Variants in RGS5 observed in about 807,000 individuals in gnomAD.
RGS5 encodes regulator of G protein signaling 5.
In RGS5, 20 loss-of-function variants were observed where a neutral mutation model predicts 18.9. The ratio of observed to expected loss-of-function variants is 1.06; its 90% confidence interval spans 0.74 to 1.54. The LOEUF (loss-of-function observed/expected upper bound fraction) is 1.54, where lower values mean the gene tolerates loss of function less well. Ranked by LOEUF, RGS5 falls within the 40% of genes most tolerant of loss-of-function variation. The pLI, the probability that RGS5 is intolerant of heterozygous loss-of-function variation, is 0.00. For missense variants in RGS5, 201 were observed against 211.8 expected (o/e 0.95, Z 0.32); for synonymous variants, 57 against 76.2 (o/e 0.75, Z 1.31).
chr1:163,261,717 T>C (rs1648441661), intron 2 of RGS5, among the ~76,000 whole-genome samples: 1 of 152,182 alleles, frequency 6.6e-6, no homozygotes, highest in African/African-American at 2.4e-5. Flanking sequence ...ATCAAGAGGC[T>C]CACAAGCTTT....
intron 1 of RGS5, chr1:163,319,091 T>C (rs1650110246): frequency 6.6e-6 from 1 of 152,182 alleles, no homozygotes; most frequent in African/African-American, 2.4e-5. Flanking sequence ...TCCCTATTGA[T>C]CTGTTAAAGT....
chr1:163,285,998 G>GCGCA (rs1553226793), intron 2 of RGS5, among the ~76,000 whole-genome samples: 7,568 of 135,066 alleles, frequency 0.056, 224 homozygotes, highest in South Asian at 0.1. Context: ...TTTAATTTAT[G>GCGCA]CACACACACA....
intron 2 of RGS5, among the ~76,000 whole-genome samples, chr1:163,232,720 G>C (rs1322314145): frequency 6.6e-6 from 1 of 152,152 alleles, no homozygotes; most frequent in Non-Finnish European, 1.5e-5. Flanking sequence ...ATCCTGTGGA[G>C]GCAGACATGC....
chr1:163,173,881 C>T (rs1341927786), intron 1 of RGS5, among the ~76,000 whole-genome samples: 1 of 152,084 alleles, frequency 6.6e-6, no homozygotes, highest in Non-Finnish European at 1.5e-5. Flanking sequence ...CAAGACCAGC[C>T]TGGCCAAGAT....
At chr1:163,305,229 T>C (rs939834463) in intron 2 of RGS5, 2 of 152,360 alleles carry the variant, frequency 1.3e-5, no homozygotes, top group African/African-American at 4.8e-5. Flanking sequence ...TGGACTGAGA[T>C]GTAAGGCTTT....
chr1:163,217,006 T>C (rs1660233885), intron 1 of RGS5, among the ~76,000 whole-genome samples: 1 of 151,970 alleles, frequency 6.6e-6, no homozygotes, highest in Non-Finnish European at 1.5e-5. Context: ...TACCGCATGG[T>C]CTCACATATA....
At chr1:163,208,269 A>ACCC (rs58302424) in intron 1 of RGS5, among the ~76,000 whole-genome samples, 5 of 146,012 alleles carry the variant, frequency 3.4e-5, no homozygotes, top group South Asian at 2.2e-4. Flanking sequence ...AATGGCGTGA[A>ACCC]CCCGGGAGGC....
At chr1:163,170,367 T>C (rs572580306) in intron 1 of RGS5, among the ~76,000 whole-genome samples, 1 of 152,338 alleles carries the variant, frequency 6.6e-6, no homozygotes, top group South Asian at 2.1e-4. Flanking sequence ...AAAAATATCT[T>C]GATTTTGTTC....
upstream of RGS5, among the ~76,000 whole-genome samples, chr1:163,204,961 T>C (rs1473224305): frequency 6.6e-6 from 1 of 152,190 alleles, no homozygotes; most frequent in Non-Finnish European, 1.5e-5. Context: ...AAGGAGTTCA[T>C]GTGATGGACT....
rs1456989985 is a variant in RGS5, at chr1:163,224,416, T to C, written c.-280-56048A>G. Among the ~76,000 whole-genome samples the C allele has an allele frequency of 2.6e-5, 4 of 152,252 alleles. No homozygotes were observed. In the East Asian group the frequency reaches 7.7e-4, roughly 29 times the overall value. On this transcript the variant is annotated intron_variant, in intron 2 of 5. Coordinates refer to the RGS5 transcript ENST00000618415. The stretch of plus-strand genomic sequence containing the variant: ...TTAATTGCTGAATAGTATTCCACTG[T>C]GCATATATACCACATTTTTTGTATC...
chr1:163,241,909 T>C (rs886977502), intron 2 of RGS5, among the ~76,000 whole-genome samples: 1 of 152,170 alleles, frequency 6.6e-6, no homozygotes. Context: ...GGAAAATGAA[T>C]GGCTACATAA....
intron 1 of RGS5, chr1:163,172,606 G>A (rs1322306957): frequency 1.3e-6 from 2 of 1,549,692 alleles, no homozygotes; most frequent in Non-Finnish European, 1.7e-6. Flanking sequence ...GAAATGTAAG[G>A]GAGAAAAGAT....
At chr1:163,208,122 A>T (rs1659991864) in intron 1 of RGS5, among the ~76,000 whole-genome samples, 1 of 151,996 alleles carries the variant, frequency 6.6e-6, no homozygotes, top group South Asian at 2.1e-4. Flanking sequence ...GTGAGACCCC[A>T]TCTCTACAAA....
At chr1:163,149,176 G>A (rs946246830) in intron 4 of RGS5, among the ~76,000 whole-genome samples, 5 of 152,332 alleles carry the variant, frequency 3.3e-5, no homozygotes, top group South Asian at 2.1e-4. Flanking sequence ...TGGGATCAGC[G>A]TCAGAGTTGA....
intron 1 of RGS5, among the ~76,000 whole-genome samples, chr1:163,316,464 A>T (rs1030030139): frequency 6.6e-6 from 1 of 152,226 alleles, no homozygotes; most frequent in African/African-American, 2.4e-5. Flanking sequence ...TGGCATCAAT[A>T]ATACAACCAT....
At chr1:163,300,316 A>G (rs1443508292) in intron 2 of RGS5, 3 of 152,246 alleles carry the variant, frequency 2.0e-5, no homozygotes, top group Non-Finnish European at 2.9e-5. Context: ...GCTAAGTTCT[A>G]AAGCAGCCTA....
rs568007990 is a variant in RGS5 at position 163,243,093 on chromosome 1, A to G, written c.-281+63140T>C. Among the ~76,000 whole-genome samples, 27 of 152,328 alleles carry G rather than the reference A, an allele frequency of 1.8e-4. 1 individual carries two copies. The highest frequency in any genetic ancestry group is 3.2e-4 in the Non-Finnish European group (22 of 68,026). On this transcript the variant is annotated intron_variant, in intron 2 of 5. Coordinates refer to the RGS5 transcript ENST00000618415. ...AAAGAAAATGTGGTGCATATACACT[A>G]TGGAATACTATGTAGCCATAAAAAT...
rs1371277346 is a variant in RGS5, at chr1:163,264,885, C to CT, written c.-281+41347dup. Among the ~76,000 whole-genome samples the CT allele has an allele frequency of 2.0e-5, 3 of 152,212 alleles. No individual in the cohort carries two copies. In the East Asian group the frequency reaches 5.8e-4, roughly 29 times the overall value. Reference sequence around the variant, plus strand: ...CTTGATCCATGATGAATCTCCTACTCTCACTAGCACTTCAAAATCCATAGA... The same window carrying CT: ...CTTGATCCATGATGAATCTCCTACTCTTCACTAGCACTTCAAAATCCATAGA... On this transcript the variant is annotated intron_variant, in intron 2 of 5. Coordinates refer to the RGS5 transcript ENST00000618415.
chr1:163,195,011 T>C (rs1659507224), intron 1 of RGS5, among the ~76,000 whole-genome samples: 1 of 152,156 alleles, frequency 6.6e-6, no homozygotes, highest in Admixed American at 6.6e-5. Context: ...TAGTACAACC[T>C]CTATGGAAAA....
Sources: allele counts gnomAD v4.1 joint callset (sites outside exome capture counted in the v4.1 genomes callset), GRCh38; gene constraint gnomAD v4.1.1; transcripts MANE v1.5; gene names NCBI Gene and HGNC (gene_info 2026-07-23, HGNC 2026-07-21).